WSCD2: variants seen among roughly 807,000 people sequenced by gnomAD.
The protein encoded by WSCD2 is WSC domain sialate O sulfotransferase 2, also known as sialate:O-sulfotransferase 2.
In WSCD2, 28 loss-of-function variants were observed where a neutral mutation model predicts 55.7. The observed-to-expected ratio is 0.50, with a 90% CI of 0.37 to 0.69. WSCD2 has a LOEUF of 0.69. WSCD2 is among the 30% of genes least tolerant of loss of function. The pLI, the probability that WSCD2 is intolerant of heterozygous loss-of-function variation, is 0.00. For synonymous variants in WSCD2, 301 were observed against 301.9 expected, an observed-to-expected ratio of 1.00 and a Z score of 0.03; for missense variants, 616 against 762.1, an observed-to-expected ratio of 0.81 and a Z score of 2.26.
intron 1 of WSCD2, among the ~76,000 whole-genome samples, chr12:108,159,997 A>C (rs1035172302): frequency 6.6e-6 from 1 of 151,416 alleles, no homozygotes; most frequent in African/African-American, 2.5e-5. Flanking sequence ...CTTCGTGGAG[A>C]TATTAGACAC....
chr12:108,226,783 G>A (rs1394662346), intron 5 of WSCD2, among the ~76,000 whole-genome samples: 5 of 152,204 alleles, frequency 3.3e-5, no homozygotes, highest in African/African-American at 7.2e-5. Flanking sequence ...TAAAGGAAAC[G>A]AATAAGTAAA....
intron 4 of WSCD2, among the ~76,000 whole-genome samples, chr12:108,213,069 AAG>A (rs1886416223): frequency 6.6e-6 from 1 of 152,186 alleles, no homozygotes; most frequent in Non-Finnish European, 1.5e-5. Context: ...ATGGTATACA[AAG>A]AGAGTGCAGG....
chr12:108,131,619 G>T (rs1245013639), intron 1 of WSCD2: 1 of 152,316 alleles, frequency 6.6e-6, no homozygotes, highest in Admixed American at 6.5e-5. Flanking sequence ...CTTGTGTGGG[G>T]CATCTATCTG....
Position 108,196,064 on chromosome 12 carries a change from G to A in WSCD2, c.232G>A (p.Asp78Asn). The A allele has an allele frequency of 6.2e-7, 1 of 1,614,196 alleles. No homozygotes were observed. The highest frequency in any genetic ancestry group is 8.5e-7 in the Non-Finnish European group (1 of 1,180,040). The change falls in exon 2 of 9, where the codon GAC becomes AAC. Residue 78 changes from aspartate to asparagine, a missense_variant. This residue lies in a region of WSCD2 where 374 missense variants were observed against 467.4 expected (regional missense o/e 0.80). Transcript: ENST00000547525. The part of the protein sequence containing the change: ...GDMHLGRGFR[D>N]TGEASSIARR... ...CATGCATCTGGGCAGAGGTTTCCGG[G>A]ACACAGGTGAAGCCTCAAGCATTGC...
In WSCD2 at chr12:108,193,603, GGATGGATGGATGGATA is replaced by G. The variant is rs775657245; in HGVS notation, c.-551-1664_-551-1649del. 1.8e-3 allele frequency among the ~76,000 whole-genome samples: 278 copies of G among 150,798 alleles called. 1 individual carries two copies. Among genetic ancestry groups the G allele is most frequent in the African/African-American group, 6.6e-3 (269 of 40,554 alleles). ...GTGAACTGCCGGAAGGCAAATGGATGGATGGATGGATGGATAGATGGATGGATGGACGGATGGGTTA... is the reference window on the plus strand; with the variant it reads ...GTGAACTGCCGGAAGGCAAATGGATGGATGGATGGATGGACGGATGGGTTA... On this transcript the variant is annotated intron_variant, in intron 1 of 8. Transcript: ENST00000547525.
chr12:108,148,509 C>A (rs879162605), intron 1 of WSCD2, among the ~76,000 whole-genome samples: 1 of 152,120 alleles, frequency 6.6e-6, no homozygotes, highest in Non-Finnish European at 1.5e-5. Context: ...GTGATAGAAT[C>A]AATTAATAAA....
chr12:108,241,456 G>A (rs968058036), intron 8 of WSCD2, among the ~76,000 whole-genome samples: 5 of 152,132 alleles, frequency 3.3e-5, no homozygotes, highest in African/African-American at 1.2e-4. Flanking sequence ...TGAGGGCTTC[G>A]GAAAAGGCTA....
At chr12:108,207,856 A>C (rs1158424501) in intron 3 of WSCD2, among the ~76,000 whole-genome samples, 1 of 152,022 alleles carries the variant, frequency 6.6e-6, no homozygotes, top group Non-Finnish European at 1.5e-5. Context: ...GGGGCGGGGG[A>C]AACAGAGGTG....
chr12:108,224,291 T>C (rs1887840699), intron 4 of WSCD2, among the ~76,000 whole-genome samples: 3 of 152,040 alleles, frequency 2.0e-5, no homozygotes, highest in African/African-American at 4.8e-5. Context: ...ACCCTGGTAG[T>C]AGTGAGTAAG....
chr12:108,131,370 T>C (rs1480711934), intron 1 of WSCD2, among the ~76,000 whole-genome samples: 1 of 152,194 alleles, frequency 6.6e-6, no homozygotes, highest in Admixed American at 6.5e-5. Flanking sequence ...GATGAGATTT[T>C]TGTAATCCCA....
At chr12:108,135,154 A>G (rs1007399284) in intron 1 of WSCD2, among the ~76,000 whole-genome samples, 6 of 151,970 alleles carry the variant, frequency 3.9e-5, no homozygotes, top group African/African-American at 1.5e-4. Context: ...CCGTCCATCC[A>G]TCCATCCATC....
chr12:108,173,810 C>CTCTCTGTGTGTGTGTGTGTGTGTG (rs376999073), intron 1 of WSCD2, among the ~76,000 whole-genome samples: 6 of 131,144 alleles, frequency 4.6e-5, no homozygotes, highest in African/African-American at 1.8e-4. Flanking sequence ...TCCTGGCTCT[C>CTCTCTGTGTGTGTGTGTGTGTGTG]TGTGTGTGTG....
chr12:108,175,848 CT>C (rs1052661905), intron 1 of WSCD2, among the ~76,000 whole-genome samples: 3 of 151,382 alleles, frequency 2.0e-5, no homozygotes, highest in African/African-American at 7.3e-5. Context: ...CTTTTCTTTT[CT>C]TTTTTTTTGA....
intron 1 of WSCD2, among the ~76,000 whole-genome samples, chr12:108,177,468 G>A (rs1881038934): frequency 6.6e-6 from 1 of 152,184 alleles, no homozygotes; most frequent in Admixed American, 6.5e-5. Flanking sequence ...CACCCTAGCT[G>A]TGTGACCTTG....
At chr12:108,205,392 AAATAAT>A (rs1207171752) in intron 2 of WSCD2, among the ~76,000 whole-genome samples, 1 of 152,128 alleles carries the variant, frequency 6.6e-6, no homozygotes, top group African/African-American at 2.4e-5. Flanking sequence ...GTGAATGTCC[AAATAAT>A]AATAATAATA....
At position 108,207,533 on chromosome 12, in the gene WSCD2, CTTT is replaced by C. The variant is rs35090663; in HGVS notation, c.497+1154_497+1156del. Among the ~76,000 whole-genome samples the C allele has an allele frequency of 6.6e-3, 354 of 53,614 alleles. 1 individual carries two copies. Among genetic ancestry groups the C allele is most frequent in the Non-Finnish European group, 9.6e-3 (301 of 31,438 alleles). The allele number at this position is 53,614 out of a possible 152,430, so 35.2% of individuals were successfully genotyped here. A position where few individuals can be genotyped will look rare whatever the true frequency, so the allele number is the denominator to read the frequency against. On this transcript the variant is annotated intron_variant, in intron 3 of 8. Transcript: ENST00000547525. ...TACAGGCGCATGCCACCATGCCTGG[CTTT>C]TTTTTTTTTTTTTTTTTTTTTTTGG...
chr12:108,235,427 C>A (rs941490360), intron 7 of WSCD2, among the ~76,000 whole-genome samples: 4 of 152,068 alleles, frequency 2.6e-5, no homozygotes, highest in African/African-American at 9.7e-5. Context: ...AGGAGCGGGC[C>A]CAGGCATGGG....
At chr12:108,177,545 T>C (rs1881052007) in intron 1 of WSCD2, among the ~76,000 whole-genome samples, 2 of 152,224 alleles carry the variant, frequency 1.3e-5, no homozygotes, top group Admixed American at 1.3e-4. Context: ...TTATAGTGCC[T>C]GTCTCAAGGG....
In WSCD2 at chr12:108,249,553, G is replaced by C. The variant is rs1890314094; in HGVS notation, c.*1210G>C. On this transcript the variant is annotated 3_prime_UTR_variant, in exon 9 of 9. Transcript: ENST00000547525. ...ATCTCTTCCCCAACCCTGGATACCA[G>C]TAGCTTCCCACCCAGTCCAAACCTG... 6.6e-6 allele frequency: 1 copy of C among 152,612 alleles called. No homozygotes were observed. Among genetic ancestry groups the C allele is most frequent in the Non-Finnish European group, 1.5e-5 (1 of 68,048 alleles). 9.5% of individuals were successfully genotyped at this position (152,612 alleles called of 1,614,324 possible).
Sources: gnomAD v4.1 joint callset for allele counts (sites outside exome capture counted in the v4.1 genomes callset) on GRCh38, gnomAD v4.1.1 for gene constraint, gnomAD v4.1.1 regional missense constraint, MANE v1.5 for transcripts, NCBI Gene and HGNC (gene_info 2026-07-23, HGNC 2026-07-21) for gene names.